The following PRKAR1A variants were observed in gnomAD, a reference collection of about 807,000 sequenced individuals.
PRKAR1A encodes the protein protein kinase cAMP-dependent type I regulatory subunit alpha.
A neutral mutation model predicts 52.0 loss-of-function variants in PRKAR1A; 3 were observed. That is an observed-to-expected ratio of 0.06 (90% CI 0.03 to 0.15). The LOEUF (loss-of-function observed/expected upper bound fraction) is 0.15, where lower values mean the gene tolerates loss of function less well. Among genes scored for constraint, PRKAR1A ranks in the 10% least tolerant of loss-of-function variants. The pLI is 1.00. For synonymous variants in PRKAR1A, 188 were observed against 168.4 expected, an observed-to-expected ratio of 1.12 and a Z score of -0.90; for missense variants, 240 against 477.4, an observed-to-expected ratio of 0.50 and a Z score of 4.63.
chr17:68,465,625 ATTTTTTTTTT>A, the PRKAR1A span, among the ~76,000 whole-genome samples: 1 of 67,190 alleles, frequency 1.5e-5, no homozygotes, highest in African/African-American at 5.8e-5. Context: ...ACGCCCAGCA[ATTTTTTTTTT>A]TTTTTTTTTT....
At chr17:68,492,783 G>A in the PRKAR1A span, among the ~76,000 whole-genome samples, 4 of 152,270 alleles carry the variant, frequency 2.6e-5, no homozygotes, top group African/African-American at 4.8e-5. Context: ...TTTAGAGCAG[G>A]AGTGCAAGTT....
chr17:68,540,534 C>T (rs1301341085), intron 11 of PRKAR1A: 1 of 497,586 alleles, frequency 2.0e-6, no homozygotes, highest in South Asian at 1.5e-5. Context: ...TGTGTACTTT[C>T]TTCCCTTCCT....
At chr17:68,486,517 CTTTCTTTCTTTCTT>C in the PRKAR1A span, among the ~76,000 whole-genome samples, 3 of 76,420 alleles carry the variant, frequency 3.9e-5, no homozygotes, top group Non-Finnish European at 5.6e-5. Flanking sequence ...TTCTTTCTTT[CTTTCTTTCTTTCTT>C]TCTTTCTTTC....
At chr17:68,434,463 G>T in the PRKAR1A span, 1 of 1,349,058 alleles carries the variant, frequency 7.4e-7, no homozygotes, top group Non-Finnish European at 1.0e-6. Context: ...GGAGGGCACA[G>T]AGCCACTCTC....
chr17:68,442,464 CAAAA>C, the PRKAR1A span, among the ~76,000 whole-genome samples: 2 of 62,782 alleles, frequency 3.2e-5, no homozygotes, highest in East Asian at 4.2e-4. Context: ...GACTGTGTCT[CAAAA>C]AAAAAAAAAA....
At chr17:68,433,778 T>TG in the PRKAR1A span, among the ~76,000 whole-genome samples, 1 of 65,754 alleles carries the variant, frequency 1.5e-5, no homozygotes, top group East Asian at 2.6e-4. Context: ...TTTTTTTTTT[T>TG]TTTTTTTTTT....
Position 68,540,594 on chromosome 17 carries a change from C to T in PRKAR1A, c.974-10490C>T, listed in dbSNP as rs368863976. On this transcript the variant is annotated intron_variant, in intron 11 of 11. Transcript: ENST00000585981. ...AGTGAACATACAGCTTCCAATCTGACGCCCACTCAGGCCCGTGGCAGGGTG... is the reference window on the plus strand; with the variant it reads ...AGTGAACATACAGCTTCCAATCTGATGCCCACTCAGGCCCGTGGCAGGGTG... 4.8e-5 allele frequency: 28 copies of T among 580,374 alleles called. No homozygotes were observed. In the East Asian group the frequency reaches 7.6e-4, roughly 16 times the overall value. The allele number at this position is 580,374 out of a possible 1,614,324, so 36.0% of individuals were successfully genotyped here.
At position 68,522,838 on chromosome 17, in the gene PRKAR1A, C is replaced by T. The variant is rs1165953688; in HGVS notation, c.260C>T (p.Pro87Leu). ...GAGGATGAGATTTCTCCTCCTCCAC[C>T]CAACCCAGTGGTTAAAGGTAGGAGG... ...SREDEISPPP[P>L]NPVVKGRRRR... The change falls in exon 3 of 11, where the codon CCC becomes CTC. Residue 87 changes from proline to leucine, a missense_variant. By Grantham distance (98) the Pro-to-Leu change is moderately conservative. Coordinates refer to ENST00000589228, the MANE Select transcript of PRKAR1A (RefSeq NM_002734.5). 6.2e-6 allele frequency: 10 copies of T among 1,613,866 alleles called. No homozygotes were observed. Among genetic ancestry groups the T allele is most frequent in the Non-Finnish European group, 8.5e-6 (10 of 1,179,904 alleles).
At chr17:68,469,404 C>A in the PRKAR1A span, among the ~76,000 whole-genome samples, 2 of 152,026 alleles carry the variant, frequency 1.3e-5, no homozygotes, top group East Asian at 1.9e-4. Context: ...CTGAAATTAT[C>A]TTGTTGATTT....
At chr17:68,541,171 G>A in intron 11 of PRKAR1A, 1 of 595,476 alleles carries the variant, frequency 1.7e-6, no homozygotes. Context: ...AAGTCTGGTG[G>A]ACACTAAACC....
At chr17:68,419,918 T>C in the PRKAR1A span, among the ~76,000 whole-genome samples, 1 of 151,984 alleles carries the variant, frequency 6.6e-6, no homozygotes, top group Admixed American at 6.6e-5. Flanking sequence ...AGGATCACGC[T>C]ACTGCATTCC....
the PRKAR1A span, among the ~76,000 whole-genome samples, chr17:68,458,853 T>G: frequency 6.6e-6 from 1 of 152,192 alleles, no homozygotes; most frequent in African/African-American, 2.4e-5. Context: ...TAATTCAAAT[T>G]TATTAGGTTG....
Position 68,515,561 on chromosome 17 carries a change from T to C in PRKAR1A, c.162T>C (p.Phe54=), listed in dbSNP as rs1220727515. Reference sequence around the variant, plus strand: ...CCATGGCATTCCTCAGGGAATACTTTGAGAGGTTGGAGAAGGTAAAAATAA... The same window carrying C: ...CCATGGCATTCCTCAGGGAATACTTCGAGAGGTTGGAGAAGGTAAAAATAA... ...ERPMAFLREY[F]ERLEKEEAKQ... is the part of the protein sequence containing the mutation. Residue 54 remains phenylalanine (F), a synonymous_variant, in exon 2 of 11, where the codon TTT becomes TTC. Transcript: ENST00000589228. 5.0e-6 allele frequency: 8 copies of C among 1,612,384 alleles called. No homozygotes were observed. Among genetic ancestry groups the C allele is most frequent in the African/African-American group, 1.3e-5 (1 of 74,876 alleles).
At chr17:68,538,654 G>A (rs2086166314) in intron 11 of PRKAR1A, among the ~76,000 whole-genome samples, 1 of 152,220 alleles carries the variant, frequency 6.6e-6, no homozygotes, top group Admixed American at 6.5e-5. Flanking sequence ...TTGCTTAGAT[G>A]GTGATCAAGT....
the PRKAR1A span, among the ~76,000 whole-genome samples, chr17:68,471,863 C>T: frequency 5.9e-5 from 9 of 152,106 alleles, no homozygotes; most frequent in African/African-American, 1.7e-4. Flanking sequence ...TGCAGTGGCG[C>T]GATCTCGGCT....
chr17:68,527,887 A>C lies in PRKAR1A; in HGVS notation c.756A>C (p.Lys252Asn), dbSNP rs1242606073. 2.5e-6 allele frequency: 4 copies of C among 1,611,762 alleles called. No homozygotes were observed. The African/African-American group carries it at 5.3e-5, about 22-fold the overall frequency. The change falls in exon 8 of 11, where the codon AAA becomes AAC. Residue 252 changes from lysine to asparagine, a missense_variant. Lys to Asn is a moderately conservative substitution (Grantham distance 94). Transcript: ENST00000589228. The part of the protein sequence containing the change: ...KRKMYEEFLS[K>N]VSILESLDKW... ...AGATGTATGAGGAATTCCTTAGTAA[A>C]GTCTCTATTTTAGGTGAGTTGTAAA...
the PRKAR1A span, among the ~76,000 whole-genome samples, chr17:68,492,359 A>G: frequency 6.6e-6 from 1 of 152,112 alleles, no homozygotes; most frequent in Non-Finnish European, 1.5e-5. Context: ...CAGGAGGGTC[A>G]TTAGTGCCTT....
chr17:68,464,465 GA>G, the PRKAR1A span, among the ~76,000 whole-genome samples: 1 of 152,180 alleles, frequency 6.6e-6, no homozygotes, highest in Non-Finnish European at 1.5e-5. Flanking sequence ...GATGGATCGT[GA>G]GGTCAGGAGT....
intron 11 of PRKAR1A, chr17:68,539,745 A>T: frequency 1.3e-6 from 1 of 782,534 alleles, no homozygotes. Flanking sequence ...AAGGAAATGG[A>T]AGAAGCCGGG....
Sources: allele counts gnomAD v4.1 joint callset (sites outside exome capture counted in the v4.1 genomes callset), GRCh38; gene constraint gnomAD v4.1.1; transcripts MANE v1.5; gene names NCBI Gene and HGNC (gene_info 2026-07-23, HGNC 2026-07-21).